ANO9: variants seen among roughly 807,000 people sequenced by gnomAD.
ANO9 encodes anoctamin-9.
Under a neutral mutation model 100.5 loss-of-function variants are expected in ANO9, and 80 were observed. The observed-to-expected ratio is 0.80, with a 90% CI of 0.66 to 0.96. ANO9 has a LOEUF of 0.96. Ranked by LOEUF, ANO9 falls within the 40% of genes least tolerant of loss-of-function variation. The pLI, the probability that ANO9 is intolerant of heterozygous loss-of-function variation, is 0.00. For synonymous variants in ANO9, 473 were observed against 435.6 expected, an observed-to-expected ratio of 1.09 and a Z score of -1.07; for missense variants, 1,064 against 1,072.7, an observed-to-expected ratio of 0.99 and a Z score of 0.11.
intron 1 of ANO9, among the ~76,000 whole-genome samples, chr11:434,816 A>G (rs1367217257): frequency 1.3e-5 from 2 of 152,164 alleles, no homozygotes; most frequent in Admixed American, 6.5e-5. Context: ...AACCTTCCGG[A>G]GGAGGGGAAT....
rs1362061153 is a variant in ANO9 at position 430,073 on chromosome 11, G to A, written c.771+10C>T. On this transcript the variant is annotated intron_variant, in intron 9 of 22. Transcript: ENST00000332826. ...CCGCAGGCCCTGGGGTGGACCCGGAGGCGACAAACCTTGGCAAAAGTGCAG... is the reference window on the plus strand; with the variant it reads ...CCGCAGGCCCTGGGGTGGACCCGGAAGCGACAAACCTTGGCAAAAGTGCAG... 4 of 1,549,262 alleles carry A rather than the reference G, an allele frequency of 2.6e-6. No individual in the cohort carries two copies. Among genetic ancestry groups the A allele is most frequent in the Non-Finnish European group, 2.6e-6 (3 of 1,146,914 alleles).
At position 428,462 on chromosome 11, in the gene ANO9, C is replaced by T. The variant is rs1228249904; in HGVS notation, c.1185+13G>A. ...GACCCCCCAGCTCGGGCCTGCCCTG[C>T]TCCCGGCCCCACCTTGGTCATGATG... On this transcript the variant is annotated intron_variant, in intron 13 of 22. Transcript: ENST00000332826. 1.9e-6 allele frequency: 3 copies of T among 1,612,288 alleles called. No individual in the cohort carries two copies.
In ANO9 at chr11:420,865, G is replaced by C; in HGVS notation, c.1491-5C>G. On this transcript the variant is annotated splice_region_variant and splice_polypyrimidine_tract_variant and intron_variant, in intron 17 of 22. Transcript: ENST00000332826. ...CGGCACTTGTGGGTCACCCACCTGCGGGGAGAGCTGCGTGGCAGGGAGGGC... is the reference window on the plus strand; with the variant it reads ...CGGCACTTGTGGGTCACCCACCTGCCGGGAGAGCTGCGTGGCAGGGAGGGC... 6.3e-7 allele frequency: 1 copy of C among 1,589,640 alleles called. No individual in the cohort carries two copies. The highest frequency in any genetic ancestry group is 1.3e-5 in the African/African-American group (1 of 74,770).
At chr11:423,506 G>A (rs1196655484) in intron 15 of ANO9, among the ~76,000 whole-genome samples, 1 of 152,008 alleles carries the variant, frequency 6.6e-6, no homozygotes, top group Non-Finnish European at 1.5e-5. Context: ...TACAAGTCAG[G>A]GATTTGAAGG....
At position 428,339 on chromosome 11, in the gene ANO9, T is replaced by C. The variant is rs890663233; in HGVS notation, c.1222+19A>G. 2 of 1,611,596 alleles carry C rather than the reference T, an allele frequency of 1.2e-6. No homozygotes were observed. Among genetic ancestry groups the C allele is most frequent in the African/African-American group, 1.3e-5 (1 of 74,644 alleles). On this transcript the variant is annotated intron_variant, in intron 14 of 22. Coordinates refer to ENST00000332826, the MANE Select transcript of ANO9 (RefSeq NM_001012302.3). ...CCTCCCGCCGGGTCCCCCAAGAGGGTCTGGGGTAGTCCTCTCACCGAAGTC... is the reference window on the plus strand; with the variant it reads ...CCTCCCGCCGGGTCCCCCAAGAGGGCCTGGGGTAGTCCTCTCACCGAAGTC...
At chr11:438,682 C>T (rs998868117) in intron 1 of ANO9, among the ~76,000 whole-genome samples, 14 of 152,174 alleles carry the variant, frequency 9.2e-5, no homozygotes, top group African/African-American at 3.4e-4. Context: ...TCTGTCCATC[C>T]GTCTCCAGGG....
chr11:441,806 C>A (rs10794325), intron 1 of ANO9, 115 bp downstream of exon 1: 810,390 of 1,346,898 alleles, frequency 0.6, 242,567 homozygotes, highest in East Asian at 0.81. Context: ...GGGACCCCCC[C>A]CACACACACA....
intron 9 of ANO9, 123 bp downstream of exon 9, chr11:429,960 C>G (rs535139371): frequency 7.5e-6 from 10 of 1,341,122 alleles, no homozygotes; most frequent in Admixed American, 4.0e-5. Context: ...TGGGCCTCCC[C>G]GTCAGCCCTG....
In ANO9 at chr11:418,278, C is replaced by T; in HGVS notation, c.*93G>A. ...GCCCCACATGGGCACAGCCTTCTCA[C>T]AGCACCCCTCAACACGCACAGCGGT... On this transcript the variant is annotated 3_prime_UTR_variant, in exon 23 of 23. Coordinates refer to ENST00000332826, the MANE Select transcript of ANO9 (RefSeq NM_001012302.3). 1 of 1,294,448 alleles carries T rather than the reference C, an allele frequency of 7.7e-7. No homozygotes were observed. The allele number at this position is 1,294,448 out of a possible 1,614,324, so 80.2% of individuals were successfully genotyped here.
intron 15 of ANO9, among the ~76,000 whole-genome samples, chr11:424,785 T>C (rs1379377421): frequency 4.6e-5 from 7 of 151,752 alleles, no homozygotes; most frequent in African/African-American, 1.5e-4. Context: ...ACGGAAGGGA[T>C]GCTGTGAATA....
chr11:440,135 G>GACTCAGC (rs1845746096), intron 1 of ANO9, among the ~76,000 whole-genome samples: 1 of 152,108 alleles, frequency 6.6e-6, no homozygotes, highest in African/African-American at 2.4e-5. Context: ...ACCTCCCAGG[G>GACTCAGC]ACTCAGCACT....
chr11:430,402 T>TA lies in ANO9; in HGVS notation c.540_541insT (p.Asn181Ter). ...AGGGCCACCTTTTCCCCAAAGTAGT[T>TA]CCTGCAGGCAGCAGGGGTCAAGGCC... On this transcript the variant is annotated frameshift_variant and splice_region_variant, in exon 8 of 23. Transcript: ENST00000332826. LOFTEE classifies it high-confidence loss of function. 3 of 1,496,790 alleles carry TA rather than the reference T, an allele frequency of 2.0e-6. No homozygotes were observed. The highest frequency in any genetic ancestry group is 2.7e-6 in the Non-Finnish European group (3 of 1,111,418). The allele number at this position is 1,496,790 out of a possible 1,614,324, so 92.7% of individuals were successfully genotyped here.
rs763380161 is a variant in ANO9, at chr11:430,250, G to A, written c.674+19C>T. On this transcript the variant is annotated intron_variant, in intron 8 of 22. Coordinates refer to ENST00000332826, the MANE Select transcript of ANO9 (RefSeq NM_001012302.3). ...GGGCCCACCCCGGCCCCCCATGCCC[G>A]GCCCCTGCTGCGGCCCACCTGATCT... The A allele has an allele frequency of 1.5e-5, 23 of 1,555,078 alleles. No homozygotes were observed. Among genetic ancestry groups the A allele is most frequent in the African/African-American group, 1.4e-4 (10 of 73,006 alleles).
At position 432,225 on chromosome 11, in the gene ANO9, C is replaced by T. The variant is rs1246410321; in HGVS notation, c.351-171G>A. The T allele has an allele frequency of 4.0e-5, 27 of 680,138 alleles. 1 individual carries two copies. In the South Asian group the frequency reaches 4.3e-4, roughly 11 times the overall value. 42.1% of individuals were successfully genotyped at this position (680,138 alleles called of 1,614,324 possible). A position where few individuals can be genotyped will look rare whatever the true frequency, so the allele number is the denominator to read the frequency against. ...CCACAACTCACCCGGGAGCCCACCCCGCACCCTCCTTAAAGTGCTCCCAGG... is the reference window on the plus strand; with the variant it reads ...CCACAACTCACCCGGGAGCCCACCCTGCACCCTCCTTAAAGTGCTCCCAGG... On this transcript the variant is annotated intron_variant, in intron 4 of 22. Transcript: ENST00000332826. The surrounding 1 kb of genome is among the most constrained non-coding windows in gnomAD (Gnocchi z 4.8).
In ANO9 at chr11:421,425, C is replaced by A. The variant is rs1198802469; in HGVS notation, c.1335-227G>T. 5.6e-5 allele frequency: 23 copies of A among 409,996 alleles called. No individual in the cohort carries two copies. The East Asian group carries it at 8.4e-4, about 15-fold the overall frequency. The allele number at this position is 409,996 out of a possible 1,614,324, so 25.4% of individuals were successfully genotyped here. The stretch of plus-strand genomic sequence containing the variant: ...CCACAGGCTCCCAGATGAACCGCAC[C>A]CACACGTGGGCGCGCGCACACACAC... On this transcript the variant is annotated intron_variant, in intron 15 of 22. Coordinates refer to ENST00000332826, the MANE Select transcript of ANO9 (RefSeq NM_001012302.3). This position sits in a 1 kb window ranked among gnomAD's most constrained non-coding sequence, Gnocchi z 6.8.
intron 6 of ANO9, 37 bp from the exon 7 acceptor site, chr11:431,804 A>C (rs756620471): frequency 6.2e-7 from 1 of 1,611,836 alleles, no homozygotes; most frequent in African/African-American, 1.3e-5. Flanking sequence ...CCCCCATCCC[A>C]GGGTCCCACC....
intron 1 of ANO9, among the ~76,000 whole-genome samples, chr11:436,970 CA>C (rs1736214369): frequency 1.1e-5 from 1 of 90,532 alleles, no homozygotes; most frequent in Non-Finnish European, 2.1e-5. Context: ...AGGGGGTGAG[CA>C]GGGGGTGAGC....
chr11:433,086 C>T (rs1166014945), intron 4 of ANO9: 5 of 551,426 alleles, frequency 9.1e-6, no homozygotes, highest in Non-Finnish European at 1.5e-5. Flanking sequence ...CCACACGGAG[C>T]CCTCAGAATG....
At position 418,830 on chromosome 11, in the gene ANO9, C is replaced by T; in HGVS notation, c.2037-17G>A. The stretch of plus-strand genomic sequence containing the variant: ...TCCCTGTATCTGGGGTAAGGAAGTA[C>T]CTGAGGTCAGGGGTCAGGAGTTCAG... On this transcript the variant is annotated splice_polypyrimidine_tract_variant and intron_variant, in intron 21 of 22. Transcript: ENST00000332826. 1.2e-6 allele frequency: 2 copies of T among 1,613,448 alleles called. No individual in the cohort carries two copies. The highest frequency in any genetic ancestry group is 2.2e-5 in the East Asian group (1 of 44,890).
Sources: gnomAD v4.1 joint callset for allele counts (sites outside exome capture counted in the v4.1 genomes callset) on GRCh38, gnomAD v4.1.1 for gene constraint, Gnocchi (gnomAD v3.1) non-coding constraint, MANE v1.5 for transcripts, NCBI Gene and HGNC (gene_info 2026-07-23, HGNC 2026-07-21) for gene names.